Variants in MALRD1 observed in about 807,000 individuals in gnomAD.
MALRD1 encodes the protein MAM and LDL receptor class A domain containing 1, also known as MAM and LDL-receptor class A domain-containing protein 1.
In MALRD1, 247 loss-of-function variants were observed where a neutral mutation model predicts 242.1. The ratio of observed to expected loss-of-function variants is 1.02; its 90% CI spans 0.92 to 1.13. MALRD1 has a LOEUF of 1.13. Among genes scored for constraint, MALRD1 ranks in the 50% most tolerant of loss-of-function variants. The pLI, the probability that MALRD1 is intolerant of heterozygous loss-of-function variation, is 0.00. For missense variants in MALRD1, 2,989 were observed against 2,533.1 expected, an observed-to-expected ratio of 1.18 and a Z score of -3.86; for synonymous variants, 995 against 866.6, an observed-to-expected ratio of 1.15 and a Z score of -2.60.
At chr10:19,459,097 T>A (rs1281821918) in intron 29 of MALRD1, among the ~76,000 whole-genome samples, 1 of 152,078 alleles carries the variant, frequency 6.6e-6, no homozygotes, top group Non-Finnish European at 1.5e-5. Flanking sequence ...GTATTTAAGG[T>A]CACAGTCTCA....
At chr10:19,581,372 C>A (rs896797363) in intron 33 of MALRD1, among the ~76,000 whole-genome samples, 1 of 114,506 alleles carries the variant, frequency 8.7e-6, no homozygotes, top group Admixed American at 9.8e-5. Context: ...CTCCCCCCTC[C>A]CCCCACCCCA....
intron 17 of MALRD1, among the ~76,000 whole-genome samples, chr10:19,207,860 A>C (rs968374712): frequency 6.6e-6 from 1 of 152,196 alleles, no homozygotes; most frequent in Admixed American, 6.5e-5. Flanking sequence ...CTAACAAAAT[A>C]GAACAATTAT....
intron 10 of MALRD1, among the ~76,000 whole-genome samples, chr10:19,143,147 T>G (rs1453694235): frequency 6.6e-6 from 1 of 152,352 alleles, no homozygotes; most frequent in Non-Finnish European, 1.5e-5. Flanking sequence ...ATGATTGACA[T>G]TTTTTAACCA....
At chr10:19,396,129 CT>C (rs757417816) in intron 28 of MALRD1, among the ~76,000 whole-genome samples, 166 of 129,824 alleles carry the variant, frequency 1.3e-3, no homozygotes, top group Middle Eastern at 4.5e-3. Context: ...TCCTTCGTTT[CT>C]TTTTTTTTTT....
chr10:19,396,677 G>A (rs534355976), intron 28 of MALRD1, among the ~76,000 whole-genome samples: 63 of 152,148 alleles, frequency 4.1e-4, no homozygotes, highest in Admixed American at 1.7e-3. Context: ...ATACTCAGGA[G>A]TCAGAGAGGT....
At chr10:19,323,652 A>G (rs556052498) in intron 21 of MALRD1, among the ~76,000 whole-genome samples, 1 of 152,344 alleles carries the variant, frequency 6.6e-6, no homozygotes, top group African/African-American at 2.4e-5. Flanking sequence ...CTAGTTGCCC[A>G]GACGGGAGTG....
intron 14 of MALRD1, among the ~76,000 whole-genome samples, chr10:19,183,526 A>G (rs1240382542): frequency 6.6e-6 from 1 of 152,188 alleles, no homozygotes; most frequent in Non-Finnish European, 1.5e-5. Flanking sequence ...TCAAACATTT[A>G]ATATTTTAAT....
Position 19,238,518 on chromosome 10 carries a change from T to A in MALRD1, c.2992-19166T>A, listed in dbSNP as rs867725416. 2.7e-3 allele frequency among the ~76,000 whole-genome samples: 210 copies of A among 79,170 alleles called. 28 individuals are homozygous for A. The highest frequency in any genetic ancestry group is 0.011 in the African/African-American group (198 of 17,444). 51.9% of individuals were successfully genotyped at this position (79,170 alleles called of 152,430 possible). On this transcript the variant is annotated intron_variant, in intron 18 of 39. Transcript: ENST00000454679. ...TATATAATATAATATATAATGTATATTATATATAATATACATTATATATAA... is the reference window on the plus strand; with the variant it reads ...TATATAATATAATATATAATGTATAATATATATAATATACATTATATATAA...
In MALRD1 at chr10:19,530,438, A is replaced by C. The variant is rs59734430; in HGVS notation, c.5321-756A>C. ...ATAATAATAAATATATAATATATAT[A>C]ATATATAATATATAATATATAATAA... On this transcript the variant is annotated intron_variant, in intron 31 of 39. Coordinates refer to ENST00000454679, the MANE Select transcript of MALRD1 (RefSeq NM_001142308.3). Among the ~76,000 whole-genome samples, 35 of 44,326 alleles carry C rather than the reference A, an allele frequency of 7.9e-4. 1 individual carries two copies. In the East Asian group the frequency reaches 0.013, roughly 17 times the overall value. 29.1% of individuals were successfully genotyped at this position (44,326 alleles called of 152,430 possible).
intron 26 of MALRD1, among the ~76,000 whole-genome samples, chr10:19,371,305 G>T (rs945962238): frequency 2.0e-5 from 3 of 151,936 alleles, no homozygotes; most frequent in Admixed American, 2.0e-4. Flanking sequence ...GATTTTAGAG[G>T]AAAGCCACCT....
chr10:19,621,461 A>C (rs1034510561), intron 36 of MALRD1, among the ~76,000 whole-genome samples: 1 of 151,560 alleles, frequency 6.6e-6, no homozygotes, highest in African/African-American at 2.4e-5. Context: ...AGTAAAGATT[A>C]AATTATCATT....
chr10:19,591,318 A>G (rs988528391), intron 33 of MALRD1, among the ~76,000 whole-genome samples: 10 of 152,206 alleles, frequency 6.6e-5, no homozygotes, highest in African/African-American at 1.9e-4. Context: ...AGAATAAATC[A>G]ACTGCAAACT....
intron 24 of MALRD1, among the ~76,000 whole-genome samples, chr10:19,342,253 T>G (rs1192850641): frequency 6.6e-6 from 1 of 152,158 alleles, no homozygotes. Flanking sequence ...TCCTGGGTAC[T>G]GAAAACGACT....
intron 29 of MALRD1, among the ~76,000 whole-genome samples, chr10:19,459,418 G>A (rs1308860963): frequency 6.6e-6 from 1 of 152,072 alleles, no homozygotes; most frequent in African/African-American, 2.4e-5. Context: ...GAATTGATTT[G>A]AGACAGGCTT....
At chr10:19,107,780 T>A (rs1836521112) in intron 5 of MALRD1, among the ~76,000 whole-genome samples, 1 of 152,108 alleles carries the variant, frequency 6.6e-6, no homozygotes, top group Non-Finnish European at 1.5e-5. Context: ...CTTTTCTATT[T>A]CTCATTTGTT....
intron 26 of MALRD1, among the ~76,000 whole-genome samples, chr10:19,377,810 G>T (rs955816585): frequency 6.6e-6 from 1 of 151,886 alleles, no homozygotes; most frequent in Admixed American, 6.6e-5. Context: ...TATTCTATAA[G>T]CAAATTAATA....
At chr10:19,474,178 TA>T (rs1349931691) in intron 29 of MALRD1, among the ~76,000 whole-genome samples, 3 of 152,194 alleles carry the variant, frequency 2.0e-5, no homozygotes, top group Non-Finnish European at 4.4e-5. Context: ...TTAGTCAGGT[TA>T]TTTTTTTATT....
chr10:19,226,384 G>A (rs959231718), intron 18 of MALRD1, among the ~76,000 whole-genome samples: 1 of 152,090 alleles, frequency 6.6e-6, no homozygotes, highest in African/African-American at 2.4e-5. Flanking sequence ...ACTTAAAATG[G>A]TGAAAGCCTT....
chr10:19,204,063 A>G (rs185981486), intron 15 of MALRD1, among the ~76,000 whole-genome samples, 183 bp downstream of exon 15: 52 of 152,340 alleles, frequency 3.4e-4, no homozygotes, highest in Admixed American at 2.5e-3. Context: ...CAGATAGCAT[A>G]TAGATATATT....
Sources: allele counts gnomAD v4.1 joint callset (sites outside exome capture counted in the v4.1 genomes callset), GRCh38; gene constraint gnomAD v4.1.1; transcripts MANE v1.5; gene names NCBI Gene and HGNC (gene_info 2026-07-23, HGNC 2026-07-21).